The following MFN1 variants were observed in gnomAD, a reference collection of about 807,000 sequenced individuals.
MFN1 encodes mitofusin-1.
In MFN1, 65 loss-of-function variants were observed where a neutral mutation model predicts 92.4. The ratio of observed to expected loss-of-function variants is 0.70; its 90% confidence interval spans 0.58 to 0.86. The LOEUF is 0.86. MFN1 is among the 40% of genes least tolerant of loss of function. MFN1 has a pLI of 0.00. For synonymous variants in MFN1, 297 were observed against 300.9 expected (o/e 0.99, Z 0.13); for missense variants, 781 against 868.0 (o/e 0.90, Z 1.26).
At chr3:179,361,112 CGA>C (rs2108530824) in intron 4 of MFN1, among the ~76,000 whole-genome samples, 1 of 151,978 alleles carries the variant, frequency 6.6e-6, no homozygotes, top group South Asian at 2.1e-4. Context: ...GACACTGTCT[CGA>C]AAAGAAAAGA....
At chr3:179,351,680 CT>C (rs1293191819) in intron 2 of MFN1, among the ~76,000 whole-genome samples, 2 of 152,186 alleles carry the variant, frequency 1.3e-5, no homozygotes, top group African/African-American at 2.4e-5. Context: ...TAGAAGTCCA[CT>C]TTTGACTGTG....
chr3:179,358,636 G>A (rs1712439853), intron 3 of MFN1, among the ~76,000 whole-genome samples: 1 of 152,062 alleles, frequency 6.6e-6, no homozygotes, highest in Non-Finnish European at 1.5e-5. Context: ...GAGAAAGGTG[G>A]GATTTGTCTT....
intron 9 of MFN1, among the ~76,000 whole-genome samples, chr3:179,370,392 CTTTTTTTTTT>C (rs34938438): frequency 1.1e-5 from 1 of 88,068 alleles, no homozygotes; most frequent in Non-Finnish European, 2.1e-5. Context: ...TCACTAAGTT[CTTTTTTTTTT>C]TTTTTTTTTT....
chr3:179,377,200 C>T, intron 11 of MFN1, 32 bp downstream of exon 11: 1 of 1,591,616 alleles, frequency 6.3e-7, no homozygotes. Context: ...ATTAAAATAA[C>T]CTGGATGGAA....
At chr3:179,372,080 CATAT>C (rs1295778704) in intron 9 of MFN1, among the ~76,000 whole-genome samples, 2 of 143,574 alleles carry the variant, frequency 1.4e-5, no homozygotes, top group South Asian at 2.1e-4. Flanking sequence ...TTATATAATA[CATAT>C]ATAAATATTA....
chr3:179,376,398 A>G (rs768108566), intron 10 of MFN1, among the ~76,000 whole-genome samples: 1 of 152,232 alleles, frequency 6.6e-6, no homozygotes, highest in Non-Finnish European at 1.5e-5. Flanking sequence ...GATGTTGAAC[A>G]AAGTATAGCA....
intron 14 of MFN1, among the ~76,000 whole-genome samples, chr3:179,379,469 T>G (rs113502280): frequency 9.8e-5 from 15 of 152,302 alleles, no homozygotes; most frequent in East Asian, 9.7e-4. Flanking sequence ...TTCTCCTGCC[T>G]CAGCCTCCTG....
intron 14 of MFN1, among the ~76,000 whole-genome samples, chr3:179,380,802 A>C (rs1713436144): frequency 6.6e-6 from 1 of 152,158 alleles, no homozygotes; most frequent in African/African-American, 2.4e-5. Flanking sequence ...CAGCACAAGG[A>C]GTTTAGGATG....
intron 4 of MFN1, among the ~76,000 whole-genome samples, chr3:179,362,067 C>T (rs972559596): frequency 6.6e-6 from 1 of 152,256 alleles, no homozygotes; most frequent in African/African-American, 2.4e-5. Context: ...TCAGTAGAAT[C>T]AGAAAATACA....
At chr3:179,356,033 T>TTG (rs36000476) in intron 3 of MFN1, among the ~76,000 whole-genome samples, 28,330 of 152,186 alleles carry the variant, frequency 0.19, 3,217 homozygotes, top group Admixed American at 0.24. Flanking sequence ...TATTTGATCT[T>TTG]TGTCCCATTC....
chr3:179,387,403 G>A (rs767417025), intron 16 of MFN1, among the ~76,000 whole-genome samples: 5 of 151,880 alleles, frequency 3.3e-5, no homozygotes, highest in Admixed American at 6.6e-5. Context: ...AAAATTAGCC[G>A]GGCATGGTAG....
chr3:179,363,274 C>T lies in MFN1; in HGVS notation c.536+792C>T, dbSNP rs1414977875. Reference sequence around the variant, plus strand: ...TAATCTTTGTATTTTTTGGTAGAGACGGGGATTCACCATGTTGGCCAGGCT... The same window carrying T: ...TAATCTTTGTATTTTTTGGTAGAGATGGGGATTCACCATGTTGGCCAGGCT... On this transcript the variant is annotated intron_variant, in intron 5 of 17. Coordinates refer to ENST00000471841, the MANE Select transcript of MFN1 (RefSeq NM_033540.3). Among the ~76,000 whole-genome samples the T allele has an allele frequency of 4.6e-5, 7 of 152,016 alleles. No homozygotes were observed. In the East Asian group the frequency reaches 5.8e-4, roughly 13 times the overall value.
chr3:179,376,967 T>G, intron 10 of MFN1, 75 bp from the exon 11 acceptor site: 2 of 1,481,570 alleles, frequency 1.3e-6, no homozygotes, highest in Non-Finnish European at 1.8e-6. Flanking sequence ...GTTCAATACA[T>G]GAATGAGTCC....
chr3:179,383,368 C>G (rs889537873), intron 14 of MFN1, among the ~76,000 whole-genome samples: 40 of 152,250 alleles, frequency 2.6e-4, no homozygotes, highest in African/African-American at 9.1e-4. Flanking sequence ...TGTCAAAGAT[C>G]AGATAGTTGT....
At chr3:179,379,617 G>A (rs939418709) in intron 14 of MFN1, among the ~76,000 whole-genome samples, 5 of 152,176 alleles carry the variant, frequency 3.3e-5, no homozygotes, top group Non-Finnish European at 5.9e-5. Context: ...GCCTCCCAAA[G>A]TGTTGGGATT....
chr3:179,392,063 T>C lies in MFN1; in HGVS notation c.*4T>C, dbSNP rs1279073792. 6.9e-6 allele frequency: 11 copies of C among 1,594,160 alleles called. No homozygotes were observed. In the East Asian group the frequency reaches 2.2e-4, roughly 32 times the overall value. On this transcript the variant is annotated 3_prime_UTR_variant, in exon 18 of 18. Coordinates refer to ENST00000471841, the MANE Select transcript of MFN1 (RefSeq NM_033540.3). The stretch of plus-strand genomic sequence containing the variant: ...TTCAAGCAATGAAGAATCCTAACAA[T>C]AGAGATTGCTTTGGTGACCATGATA...
At chr3:179,371,458 A>G (rs539661931) in intron 9 of MFN1, among the ~76,000 whole-genome samples, 3 of 152,282 alleles carry the variant, frequency 2.0e-5, no homozygotes, top group South Asian at 2.1e-4. Context: ...ATGGTGAGCT[A>G]TGGAGGTACC....
At position 179,392,113 on chromosome 3, in the gene MFN1, G is replaced by A; in HGVS notation, c.*54G>A. On this transcript the variant is annotated 3_prime_UTR_variant, in exon 18 of 18. Coordinates refer to ENST00000471841, the MANE Select transcript of MFN1 (RefSeq NM_033540.3). ...AGGAGGAAACGAAACTTGTAAGATTGGAACAGTTGTTATTTTTATGAAATT... is the reference window on the plus strand; with the variant it reads ...AGGAGGAAACGAAACTTGTAAGATTAGAACAGTTGTTATTTTTATGAAATT... 8.9e-7 allele frequency: 1 copy of A among 1,123,866 alleles called. No homozygotes were observed. The highest frequency in any genetic ancestry group is 1.3e-6 in the Non-Finnish European group (1 of 752,740). 69.6% of individuals were successfully genotyped at this position (1,123,866 alleles called of 1,614,324 possible).
At chr3:179,388,409 A>G (rs1332054499) in intron 16 of MFN1, among the ~76,000 whole-genome samples, 1 of 152,226 alleles carries the variant, frequency 6.6e-6, no homozygotes, top group Non-Finnish European at 1.5e-5. Flanking sequence ...TTATTATAAC[A>G]TATACCTAAG....
Sources: gnomAD v4.1 joint callset for allele counts (sites outside exome capture counted in the v4.1 genomes callset) on GRCh38, gnomAD v4.1.1 for gene constraint, MANE v1.5 for transcripts, NCBI Gene and HGNC (gene_info 2026-07-23, HGNC 2026-07-21) for gene names.